Variants in GANC observed in about 807,000 individuals in gnomAD.
GANC encodes the protein glucosidase alpha, neutral C.
GANC carries 117 observed loss-of-function variants against 124.2 expected under a neutral mutation model. The ratio of observed to expected loss-of-function variants is 0.94; its 90% CI spans 0.81 to 1.10. GANC has a LOEUF of 1.10. Ranked by LOEUF, GANC falls within the 50% of genes least tolerant of loss-of-function variation. The pLI is 0.00. For synonymous variants in GANC, 377 were observed against 376.8 expected, an observed-to-expected ratio of 1.00 and a Z score of -0.01; for missense variants, 1,140 against 1,095.0, an observed-to-expected ratio of 1.04 and a Z score of -0.58.
At chr15:42,349,849 A>G (rs1400705611) in intron 22 of GANC, among the ~76,000 whole-genome samples, 1 of 151,716 alleles carries the variant, frequency 6.6e-6, no homozygotes, top group African/African-American at 2.4e-5. Context: ...GGGTTTCACC[A>G]TGTTAGCTAG....
chr15:42,313,330 A>G (rs2052071447), intron 10 of GANC, among the ~76,000 whole-genome samples: 1 of 152,248 alleles, frequency 6.6e-6, no homozygotes, highest in Non-Finnish European at 1.5e-5. Context: ...TGGATTTGGC[A>G]GTGGATTCTT....
rs1347170709 is a variant in GANC, at chr15:42,310,791, T to C, written c.1002T>C (p.Phe334=). Residue 334 remains phenylalanine (F), a synonymous_variant, in exon 10 of 24, where the codon TTT becomes TTC. Transcript: ENST00000318010. The part of the protein sequence containing the change: ...WMSESGIIDV[F]LLTGPTPSDV... ...CAGAGAGTGGCATCATTGATGTTTT[T>C]CTGCTGACAGGACCTACACCTTCTG... is the stretch of plus-strand genomic sequence containing the variant. The C allele has an allele frequency of 3.1e-6, 5 of 1,613,972 alleles. No homozygotes were observed. The African/African-American group carries it at 6.7e-5, about 22-fold the overall frequency.
chr15:42,337,992 G>A (rs527366562), intron 15 of GANC, among the ~76,000 whole-genome samples: 142 of 152,090 alleles, frequency 9.3e-4, no homozygotes, highest in African/African-American at 3.2e-3. Flanking sequence ...ACCCTGGGAG[G>A]CAAAGGTTGC....
At chr15:42,316,423 T>G (rs1396408932) in intron 10 of GANC, among the ~76,000 whole-genome samples, 1 of 152,114 alleles carries the variant, frequency 6.6e-6, no homozygotes, top group Non-Finnish European at 1.5e-5. Context: ...AAGTGATTGA[T>G]AAGGTCAAGC....
At chr15:42,348,081 T>G in intron 20 of GANC, 22 bp from the exon 21 acceptor site, 4 of 1,341,840 alleles carry the variant, frequency 3.0e-6, no homozygotes, top group Non-Finnish European at 4.2e-6. Context: ...ACTGCTTCCC[T>G]GAGCGTGCTG....
intron 6 of GANC, among the ~76,000 whole-genome samples, chr15:42,301,166 C>G (rs2051942364): frequency 6.6e-6 from 1 of 152,184 alleles, no homozygotes; most frequent in African/African-American, 2.4e-5. Flanking sequence ...TGCCCTGACT[C>G]ATCTCATTGG....
At chr15:42,287,102 C>T (rs879303982) in intron 3 of GANC, among the ~76,000 whole-genome samples, 18 of 152,214 alleles carry the variant, frequency 1.2e-4, no homozygotes, top group South Asian at 2.1e-4. Context: ...TACTTAGGTT[C>T]CCCAGCCTCT....
At chr15:42,330,357 T>C (rs1349442929) in intron 14 of GANC, among the ~76,000 whole-genome samples, 2 of 152,256 alleles carry the variant, frequency 1.3e-5, no homozygotes, top group African/African-American at 4.8e-5. Context: ...TTTATTATTA[T>C]TTCATTGCTA....
At chr15:42,314,572 A>G in intron 10 of GANC, 2 of 197,852 alleles carry the variant, frequency 1.0e-5, no homozygotes, top group South Asian at 1.8e-4. Context: ...ACACTGACCT[A>G]TACTTATACC....
Position 42,340,685 on chromosome 15 carries a change from C to T in GANC, c.2088-5C>T, listed in dbSNP as rs1188245791. Reference sequence around the variant, plus strand: ...TTAAAACAATAATTTTTTTTCTTTCCCCAGGCCTCTGTGGGTAGAGTTCCC... The same window carrying T: ...TTAAAACAATAATTTTTTTTCTTTCTCCAGGCCTCTGTGGGTAGAGTTCCC... On this transcript the variant is annotated splice_region_variant and splice_polypyrimidine_tract_variant and intron_variant, in intron 17 of 23. Coordinates refer to ENST00000318010, the MANE Select transcript of GANC (RefSeq NM_198141.3). 1.9e-6 allele frequency: 3 copies of T among 1,598,722 alleles called. No individual in the cohort carries two copies. The highest frequency in any genetic ancestry group is 2.6e-6 in the Non-Finnish European group (3 of 1,174,878).
chr15:42,286,864 A>G (rs1396115338), intron 3 of GANC, among the ~76,000 whole-genome samples: 2 of 152,340 alleles, frequency 1.3e-5, no homozygotes, highest in East Asian at 3.9e-4. Flanking sequence ...ACCCAGTAGT[A>G]ACCAAAATTT....
intron 5 of GANC, 88 bp downstream of exon 5, chr15:42,293,005 T>G: frequency 7.7e-7 from 1 of 1,296,666 alleles, no homozygotes; most frequent in Non-Finnish European, 1.1e-6. Context: ...CATAGCACCA[T>G]AGAAAATTGG....
chr15:42,289,686 G>A (rs1370887366), intron 4 of GANC, among the ~76,000 whole-genome samples: 1 of 152,170 alleles, frequency 6.6e-6, no homozygotes, highest in Non-Finnish European at 1.5e-5. Context: ...TGGATTTGGA[G>A]GCAGTGAGGA....
At position 42,323,461 on chromosome 15, in the gene GANC, G is replaced by A. The variant is rs544227016; in HGVS notation, c.1293+1441G>A. On this transcript the variant is annotated intron_variant, in intron 11 of 23. Transcript: ENST00000318010. ...GATTGTATCCTCAAGACTTAAGCAGGGCTTTGTTCCAGAGGTGCATTTTAT... is the reference window on the plus strand; with the variant it reads ...GATTGTATCCTCAAGACTTAAGCAGAGCTTTGTTCCAGAGGTGCATTTTAT... Among the ~76,000 whole-genome samples, 163 of 151,952 alleles carry A rather than the reference G, an allele frequency of 1.1e-3. 3 individuals are homozygous for A. The highest frequency in any genetic ancestry group is 6.8e-3 in the Middle Eastern group (2 of 294).
chr15:42,273,359 G>A lies in GANC; in HGVS notation c.-1123G>A, dbSNP rs776482461. On this transcript the variant is annotated 5_prime_UTR_variant, in exon 1 of 24. Transcript: ENST00000318010. ...GACGGGTGAGCTCCCAGAAGCAGAAGAATGACAGGCAACACCTGAAGCCAC... is the reference window on the plus strand; with the variant it reads ...GACGGGTGAGCTCCCAGAAGCAGAAAAATGACAGGCAACACCTGAAGCCAC... The A allele has an allele frequency of 6.2e-6, 10 of 1,614,108 alleles. No homozygotes were observed. The highest frequency in any genetic ancestry group is 5.5e-5 in the South Asian group (5 of 91,082).
intron 5 of GANC, among the ~76,000 whole-genome samples, chr15:42,295,003 G>A (rs1350807841): frequency 1.1e-4 from 15 of 137,162 alleles, no homozygotes; most frequent in African/African-American, 3.5e-4. Context: ...ATGGAGTCTC[G>A]CTCTGTCACC....
intron 17 of GANC, 107 bp downstream of exon 17, chr15:42,340,019 AAAAGCTACATGTTT>A: frequency 7.2e-7 from 1 of 1,390,066 alleles, no homozygotes. Flanking sequence ...AAAGGTGAAG[AAAAGCTACATGTTT>A]AATCAAGTTT....
At chr15:42,317,459 T>C (rs1322892997) in intron 10 of GANC, among the ~76,000 whole-genome samples, 2 of 152,060 alleles carry the variant, frequency 1.3e-5, no homozygotes, top group East Asian at 1.9e-4. Flanking sequence ...GATGTAAAGG[T>C]TTTAGAAATA....
At chr15:42,340,615 AAAC>A in intron 17 of GANC, 72 bp from the exon 18 acceptor site, 2 of 1,227,684 alleles carry the variant, frequency 1.6e-6, no homozygotes, top group Non-Finnish European at 2.3e-6. Context: ...AAAAAAAAAA[AAAC>A]TAAAAATATA....
Sources: allele counts gnomAD v4.1 joint callset (sites outside exome capture counted in the v4.1 genomes callset), GRCh38; gene constraint gnomAD v4.1.1; transcripts MANE v1.5; gene names NCBI Gene and HGNC (gene_info 2026-07-23, HGNC 2026-07-21).